ZFHX3: variants seen among roughly 807,000 people sequenced by gnomAD.
ZFHX3 encodes zinc finger homeobox 3.
In ZFHX3, 42 loss-of-function variants were observed where a neutral mutation model predicts 279.1. The observed-to-expected ratio is 0.15, with a 90% CI of 0.12 to 0.19. The LOEUF is 0.19. Among genes scored for constraint, ZFHX3 ranks in the 10% least tolerant of loss-of-function variants. ZFHX3 has a pLI of 1.00. For synonymous variants in ZFHX3, 2,293 were observed against 1,957.8 expected, an observed-to-expected ratio of 1.17 and a Z score of -4.52; for missense variants, 4,981 against 4,754.0, an observed-to-expected ratio of 1.05 and a Z score of -1.40.
At chr16:72,877,551 T>C (rs2038345884) in intron 4 of ZFHX3, among the ~76,000 whole-genome samples, 1 of 152,332 alleles carries the variant, frequency 6.6e-6, no homozygotes, top group South Asian at 2.1e-4. Flanking sequence ...ACAGTAAGTT[T>C]CTCATTCTTC....
At chr16:73,870,272 C>T (rs1246277436) in intron 1 of ZFHX3, among the ~76,000 whole-genome samples, 1 of 152,156 alleles carries the variant, frequency 6.6e-6, no homozygotes. Flanking sequence ...ATTAGACAAG[C>T]CATCCAAGTT....
At chr16:73,615,241 A>C (rs1336698556) in intron 2 of ZFHX3, among the ~76,000 whole-genome samples, 3 of 152,074 alleles carry the variant, frequency 2.0e-5, no homozygotes, top group Non-Finnish European at 2.9e-5. Context: ...CAAATGAACC[A>C]TGCATGTCCC....
At chr16:73,807,831 A>G (rs1055017604) in intron 1 of ZFHX3, among the ~76,000 whole-genome samples, 1 of 151,442 alleles carries the variant, frequency 6.6e-6, no homozygotes, top group Non-Finnish European at 1.5e-5. Context: ...CGGGACTCTA[A>G]TGTCTTTTTT....
At chr16:72,857,505 C>T (rs988964004) in intron 4 of ZFHX3, among the ~76,000 whole-genome samples, 2 of 152,262 alleles carry the variant, frequency 1.3e-5, no homozygotes, top group Middle Eastern at 3.4e-3. Context: ...TGCAACATAG[C>T]GAGACTTCAT....
chr16:72,990,283 G>C (rs1963031792), intron 1 of ZFHX3, among the ~76,000 whole-genome samples: 1 of 152,192 alleles, frequency 6.6e-6, no homozygotes, highest in Non-Finnish European at 1.5e-5. Context: ...CCAGGTCCTG[G>C]CCTGTAAATG....
rs371772386 is a variant in ZFHX3, at chr16:72,824,818, C to G, written c.3529+4961G>C. Among the ~76,000 whole-genome samples the G allele has an allele frequency of 3.9e-5, 6 of 152,278 alleles. No homozygotes were observed. The South Asian group carries it at 1.2e-3, about 32-fold the overall frequency. Reference sequence around the variant, plus strand: ...ATTAATCATTGCTCAGTTGCTGACACGGGGGGCTCTTCATTCGAGAATACA... The same window carrying G: ...ATTAATCATTGCTCAGTTGCTGACAGGGGGGGCTCTTCATTCGAGAATACA... On this transcript the variant is annotated intron_variant, in intron 5 of 9. Transcript: ENST00000268489.
rs1183511777 is a variant in ZFHX3 at position 73,093,800 on chromosome 16, A to G, written c.-896-202T>C. On this transcript the variant is annotated intron_variant, in intron 7 of 17. Transcript: ENST00000641206. ...TTCCATTCCTCGTCTTAAATGAGTG[A>G]TGTGTTCACTTTTATTTATTTTTCT... 5 of 284,258 alleles carry G rather than the reference A, an allele frequency of 1.8e-5. No homozygotes were observed. In the East Asian group the frequency reaches 4.2e-4, roughly 24 times the overall value. 17.6% of individuals were successfully genotyped at this position (284,258 alleles called of 1,614,324 possible).
At chr16:73,446,394 G>A (rs2018185887) in intron 3 of ZFHX3, among the ~76,000 whole-genome samples, 1 of 152,192 alleles carries the variant, frequency 6.6e-6, no homozygotes, top group Non-Finnish European at 1.5e-5. Flanking sequence ...TGGCAGGAGG[G>A]AGAAGTGCAG....
At chr16:72,970,699 C>A (rs1322911437) in intron 1 of ZFHX3, among the ~76,000 whole-genome samples, 1 of 152,202 alleles carries the variant, frequency 6.6e-6, no homozygotes, top group African/African-American at 2.4e-5. Flanking sequence ...ATAACCAACA[C>A]TTATGTGTTT....
chr16:73,471,120 C>T (rs2018658543), intron 2 of ZFHX3, among the ~76,000 whole-genome samples: 1 of 152,054 alleles, frequency 6.6e-6, no homozygotes, highest in African/African-American at 2.4e-5. Flanking sequence ...AGGAATTCAT[C>T]AAAGAAAAGC....
intron 2 of ZFHX3, among the ~76,000 whole-genome samples, chr16:73,543,099 G>A (rs930764504): frequency 5.7e-4 from 86 of 152,198 alleles, no homozygotes; most frequent in Non-Finnish European, 8.8e-4. Context: ...CTCGGCTCGG[G>A]CAGGTATGTT....
chr16:73,680,945 T>A (rs367739479), intron 1 of ZFHX3, among the ~76,000 whole-genome samples: 1 of 152,276 alleles, frequency 6.6e-6, no homozygotes, highest in African/African-American at 2.4e-5. Context: ...AAAGATACTA[T>A]ATGCAAAGCC....
At chr16:73,215,478 T>G (rs1320738068) in intron 5 of ZFHX3, among the ~76,000 whole-genome samples, 1 of 152,234 alleles carries the variant, frequency 6.6e-6, no homozygotes, top group African/African-American at 2.4e-5. Flanking sequence ...AGTTCCTAAA[T>G]GTTTCAACCA....
At chr16:72,938,477 AAAG>A (rs753816638) in intron 3 of ZFHX3, among the ~76,000 whole-genome samples, 18 of 152,360 alleles carry the variant, frequency 1.2e-4, no homozygotes, top group Middle Eastern at 3.4e-3. Flanking sequence ...CAGGCCAGGA[AAAG>A]AAGACAGGCG....
At chr16:73,630,334 G>A (rs2052456689) in intron 2 of ZFHX3, among the ~76,000 whole-genome samples, 1 of 152,308 alleles carries the variant, frequency 6.6e-6, no homozygotes, top group South Asian at 2.1e-4. Flanking sequence ...CTCTCAGAAG[G>A]AACAAGTTTT....
At position 72,811,937 on chromosome 16, in the gene ZFHX3, G is replaced by T. The variant is rs774793921; in HGVS notation, c.3631C>A (p.Pro1211Thr). Residue 1211 changes from proline to threonine, a missense_variant, in exon 6 of 10, where the codon CCA becomes ACA. By Grantham distance (38) the Pro-to-Thr change is conservative. Around this residue, in one of 7 missense-constraint regions of ZFHX3, gnomAD observed 1,751 missense variants for 1,770.0 expected, o/e 0.99. Transcript: ENST00000268489. ...SSESPLSSKRPKTAEEIKPEQ... is the reference protein window; with the variant it reads ...SSESPLSSKRTKTAEEIKPEQ... The stretch of plus-strand genomic sequence containing the variant: ...GGTTTGATCTCCTCAGCTGTTTTTG[G>T]TCGCTTCGAAGAGAGGGGAGACTCT... 5.6e-6 allele frequency: 9 copies of T among 1,614,072 alleles called. No homozygotes were observed. Among genetic ancestry groups the T allele is most frequent in the Non-Finnish European group, 6.8e-6 (8 of 1,180,012 alleles).
intron 7 of ZFHX3, among the ~76,000 whole-genome samples, chr16:73,130,097 G>A (rs558354199): frequency 2.6e-5 from 4 of 152,068 alleles, no homozygotes; most frequent in African/African-American, 9.7e-5. Context: ...AATTCCACTG[G>A]GTTCTGTTAT....
intron 5 of ZFHX3, among the ~76,000 whole-genome samples, chr16:73,241,433 C>T (rs555047709): frequency 8.5e-5 from 13 of 152,274 alleles, no homozygotes; most frequent in Non-Finnish European, 1.6e-4. Context: ...AAGGGGGTCA[C>T]TCAGGCATGC....
intron 1 of ZFHX3, among the ~76,000 whole-genome samples, chr16:73,774,014 T>C (rs2054049452): frequency 6.6e-6 from 1 of 152,120 alleles, no homozygotes; most frequent in East Asian, 1.9e-4. Context: ...GACATGTGCT[T>C]GTAGTCCCAG....
Sources: gnomAD v4.1 joint callset for allele counts (sites outside exome capture counted in the v4.1 genomes callset) on GRCh38, gnomAD v4.1.1 for gene constraint, gnomAD v4.1.1 regional missense constraint, MANE v1.5 for transcripts, NCBI Gene and HGNC (gene_info 2026-07-23, HGNC 2026-07-21) for gene names.